Variants in RALA observed in about 807,000 individuals in gnomAD.
RALA encodes the protein RAS like proto-oncogene A.
A neutral mutation model predicts 24.0 loss-of-function variants in RALA; 5 were observed. The observed-to-expected ratio is 0.21, with a 90% CI of 0.11 to 0.44. The LOEUF (loss-of-function observed/expected upper bound fraction) is 0.44, where lower values mean the gene tolerates loss of function less well. RALA is among the 20% of genes least tolerant of loss of function. The pLI is 0.99. For synonymous variants in RALA, 77 were observed against 83.8 expected, an observed-to-expected ratio of 0.92 and a Z score of 0.44; for missense variants, 95 against 241.2, an observed-to-expected ratio of 0.39 and a Z score of 4.01.
chr7:39,647,286 A>AC (rs959657426), intron 1 of RALA, among the ~76,000 whole-genome samples: 15 of 151,402 alleles, frequency 9.9e-5, no homozygotes, highest in Non-Finnish European at 1.3e-4. Flanking sequence ...CAAGTGGTAC[A>AC]CCCCCCTTGA....
intron 1 of RALA, among the ~76,000 whole-genome samples, chr7:39,637,745 AC>A (rs1791709017): frequency 6.6e-6 from 1 of 152,194 alleles, no homozygotes; most frequent in African/African-American, 2.4e-5. Flanking sequence ...AACATTTCAA[AC>A]CTATAGAAAA....
chr7:39,660,494 GTC>G lies in RALA; in HGVS notation c.-37-26131_-37-26130del, dbSNP rs1792169018. Among the ~76,000 whole-genome samples the G allele has an allele frequency of 3.3e-5, 5 of 152,014 alleles. No individual in the cohort carries two copies. The South Asian group carries it at 1.0e-3, about 32-fold the overall frequency. On this transcript the variant is annotated intron_variant, in intron 1 of 4. Transcript: ENST00000005257. Reference sequence around the variant, plus strand: ...TTTATCCAATGCTTATTTCTTTTCTGTCTCTCTTTTTTTAATGAATTTGCCTT... The same window carrying G: ...TTTATCCAATGCTTATTTCTTTTCTGTCTCTTTTTTTAATGAATTTGCCTT...
chr7:39,700,721 GT>G (rs1793011941), intron 4 of RALA: 1 of 152,216 alleles, frequency 6.6e-6, no homozygotes. Flanking sequence ...GCTGTGGCCA[GT>G]TTCAGTTAAT....
chr7:39,674,580 T>C (rs1001430208), intron 1 of RALA, among the ~76,000 whole-genome samples: 1 of 152,184 alleles, frequency 6.6e-6, no homozygotes, highest in Admixed American at 6.5e-5. Context: ...ACTGTTAGCC[T>C]AGCTTGCTAA....
chr7:39,635,354 A>G (rs1012498050), intron 1 of RALA, among the ~76,000 whole-genome samples: 7 of 152,186 alleles, frequency 4.6e-5, no homozygotes, highest in Non-Finnish European at 7.4e-5. Context: ...CAGCCTGGGC[A>G]ACAGAGCCAG....
At chr7:39,653,992 G>GT (rs1345774736) in intron 1 of RALA, among the ~76,000 whole-genome samples, 2 of 152,156 alleles carry the variant, frequency 1.3e-5, no homozygotes, top group African/African-American at 2.4e-5. Flanking sequence ...AATTTGATGA[G>GT]TAGCACTGAT....
chr7:39,666,082 T>G (rs548633066), intron 1 of RALA, among the ~76,000 whole-genome samples: 2 of 152,318 alleles, frequency 1.3e-5, no homozygotes, highest in African/African-American at 4.8e-5. Context: ...ATCCAGTTAT[T>G]TGGATTTTTT....
At chr7:39,694,337 G>T (rs1181325145) in intron 3 of RALA, among the ~76,000 whole-genome samples, 1 of 152,172 alleles carries the variant, frequency 6.6e-6, no homozygotes, top group African/African-American at 2.4e-5. Flanking sequence ...TAAGTGGCTT[G>T]CCCCAGGTTG....
intron 1 of RALA, among the ~76,000 whole-genome samples, chr7:39,638,856 A>G (rs1415068802): frequency 6.6e-6 from 1 of 152,210 alleles, no homozygotes; most frequent in African/African-American, 2.4e-5. Context: ...GTGTGGACAT[A>G]GTTTTCATTT....
intron 1 of RALA, among the ~76,000 whole-genome samples, chr7:39,674,846 CAG>C (rs1792452290): frequency 1.1e-5 from 1 of 94,632 alleles, no homozygotes; most frequent in East Asian, 3.8e-4. Flanking sequence ...TTTTTTGAGT[CAG>C]AGTCTTCCTC....
chr7:39,699,691 G>T (rs1792988668), intron 4 of RALA, among the ~76,000 whole-genome samples: 1 of 152,174 alleles, frequency 6.6e-6, no homozygotes. Flanking sequence ...GTAGCTTGCT[G>T]CCATGTGTTT....
intron 1 of RALA, among the ~76,000 whole-genome samples, chr7:39,630,822 A>C (rs948354216): frequency 2.0e-5 from 3 of 152,092 alleles, no homozygotes; most frequent in African/African-American, 4.8e-5. Flanking sequence ...CTATTGGATT[A>C]TCTCACCATT....
At position 39,706,738 on chromosome 7, in the gene RALA, A is replaced by C. The variant is rs1370177142; in HGVS notation, c.*493A>C. 6.5e-6 allele frequency: 1 copy of C among 152,734 alleles called. No homozygotes were observed. Among genetic ancestry groups the C allele is most frequent in the Non-Finnish European group, 1.5e-5 (1 of 68,248 alleles). The allele number at this position is 152,734 out of a possible 1,614,324, so 9.5% of individuals were successfully genotyped here. ...GAAAAGTTATTGGCATGGTTGTTGC[A>C]TATAGTTAAACTGAGAGTAATTCAT... On this transcript the variant is annotated 3_prime_UTR_variant, in exon 5 of 5. Coordinates refer to ENST00000005257, the MANE Select transcript of RALA (RefSeq NM_005402.4).
intron 1 of RALA, among the ~76,000 whole-genome samples, chr7:39,658,090 G>A (rs1033697658): frequency 3.9e-5 from 6 of 152,120 alleles, no homozygotes; most frequent in Admixed American, 3.3e-4. Flanking sequence ...ACTGAGGAGC[G>A]TTGTCCCTTT....
intron 1 of RALA, among the ~76,000 whole-genome samples, chr7:39,626,281 T>C (rs979972134): frequency 2.6e-5 from 4 of 152,242 alleles, no homozygotes; most frequent in African/African-American, 9.6e-5. Flanking sequence ...TCCACAACAC[T>C]TCTGCAAGAC....
rs563029997 is a variant in RALA, at chr7:39,650,093, T to C, written c.-38+26268T>C. 2.0e-5 allele frequency among the ~76,000 whole-genome samples: 3 copies of C among 152,298 alleles called. No homozygotes were observed. The East Asian group carries it at 5.8e-4, about 29-fold the overall frequency. Reference sequence around the variant, plus strand: ...TTTTTAAGATAGAAAAAAATACATTTGAATCCAGTAGAGAGGAACAAATTC... The same window carrying C: ...TTTTTAAGATAGAAAAAAATACATTCGAATCCAGTAGAGAGGAACAAATTC... On this transcript the variant is annotated intron_variant, in intron 1 of 4. Coordinates refer to ENST00000005257, the MANE Select transcript of RALA (RefSeq NM_005402.4).
intron 1 of RALA, among the ~76,000 whole-genome samples, chr7:39,624,826 G>T (rs1791453349): frequency 6.6e-6 from 1 of 152,154 alleles, no homozygotes; most frequent in African/African-American, 2.4e-5. Context: ...AAAGTAAATT[G>T]CAACTTTAAT....
chr7:39,657,628 A>T (rs1792119590), intron 1 of RALA, among the ~76,000 whole-genome samples: 1 of 152,254 alleles, frequency 6.6e-6, no homozygotes, highest in Admixed American at 6.5e-5. Flanking sequence ...GCCTTAAGTG[A>T]TAATGAAATG....
intron 1 of RALA, among the ~76,000 whole-genome samples, chr7:39,664,174 G>A (rs1792246466): frequency 1.3e-5 from 2 of 152,204 alleles, no homozygotes; most frequent in Admixed American, 6.5e-5. Context: ...AAGGCAGGAA[G>A]GAATAGGCTA....
Sources: gnomAD v4.1 joint callset for allele counts (sites outside exome capture counted in the v4.1 genomes callset) on GRCh38, gnomAD v4.1.1 for gene constraint, MANE v1.5 for transcripts, NCBI Gene and HGNC (gene_info 2026-07-23, HGNC 2026-07-21) for gene names.